Variants in CCSER1 observed in about 807,000 individuals in gnomAD.
CCSER1 encodes serine-rich coiled-coil domain-containing protein 1.
In CCSER1, 41 loss-of-function variants were observed where a neutral mutation model predicts 82.0. That is an observed-to-expected ratio of 0.50 (90% CI 0.39 to 0.65). The LOEUF is 0.65. Among genes scored for constraint, CCSER1 ranks in the 30% least tolerant of loss-of-function variants. The pLI is 0.00. For synonymous variants in CCSER1, 414 were observed against 383.9 expected, an observed-to-expected ratio of 1.08 and a Z score of -0.92; for missense variants, 1,119 against 1,064.2, an observed-to-expected ratio of 1.05 and a Z score of -0.72.
At chr4:91,203,721 T>A (rs1050612184) in intron 10 of CCSER1, among the ~76,000 whole-genome samples, 2 of 151,824 alleles carry the variant, frequency 1.3e-5, no homozygotes, top group Non-Finnish European at 2.9e-5. Context: ...TAAAGTGATA[T>A]CTGAGAAGAA....
chr4:90,954,860 A>C (rs1453043583), intron 9 of CCSER1, among the ~76,000 whole-genome samples: 1 of 152,086 alleles, frequency 6.6e-6, no homozygotes. Flanking sequence ...TTCTCTCTTC[A>C]TACATACCCA....
chr4:90,492,151 CT>C (rs1221358158), intron 5 of CCSER1, among the ~76,000 whole-genome samples: 4 of 151,952 alleles, frequency 2.6e-5, no homozygotes, highest in African/African-American at 7.3e-5. Context: ...TGGTCCTGGA[CT>C]TTTTTTGGTT....
chr4:90,730,112 A>G (rs1269156149), intron 7 of CCSER1, among the ~76,000 whole-genome samples: 1 of 152,192 alleles, frequency 6.6e-6, no homozygotes, highest in Non-Finnish European at 1.5e-5. Flanking sequence ...TTTATATATT[A>G]TAACATCAAC....
intron 3 of CCSER1, among the ~76,000 whole-genome samples, chr4:90,365,726 GTGAGT>G (rs1489318156): frequency 2.0e-5 from 3 of 151,888 alleles, no homozygotes; most frequent in Non-Finnish European, 3.0e-5. Flanking sequence ...TAAAGTCTGA[GTGAGT>G]TAAGAGAAGG....
chr4:90,888,850 C>A (rs1368951048), intron 8 of CCSER1, among the ~76,000 whole-genome samples: 2 of 152,090 alleles, frequency 1.3e-5, no homozygotes, highest in Admixed American at 1.3e-4. Context: ...CTATATTGAG[C>A]AATTGTTTAG....
At chr4:91,564,551 A>G (rs760395236) in intron 10 of CCSER1, among the ~76,000 whole-genome samples, 1 of 151,850 alleles carries the variant, frequency 6.6e-6, no homozygotes, top group Non-Finnish European at 1.5e-5. Context: ...CCTTGTTGGA[A>G]TCTGTTCTTT....
In CCSER1 at chr4:91,341,582, C is replaced by T. The variant is rs191361538; in HGVS notation, c.2217+255588C>T. 2.5e-3 allele frequency among the ~76,000 whole-genome samples: 378 copies of T among 152,236 alleles called. 1 individual carries two copies. Among genetic ancestry groups the T allele is most frequent in the Admixed American group, 3.5e-3 (54 of 15,286 alleles). Reference sequence around the variant, plus strand: ...GTTTTTTGTTTTTGAGACAGGGTCTCACTCTGTCATCCAGGCTGGAGTGCA... The same window carrying T: ...GTTTTTTGTTTTTGAGACAGGGTCTTACTCTGTCATCCAGGCTGGAGTGCA... On this transcript the variant is annotated intron_variant, in intron 10 of 10. Coordinates refer to ENST00000509176, the MANE Select transcript of CCSER1 (RefSeq NM_001145065.2).
chr4:91,165,715 A>G (rs1423543178), intron 10 of CCSER1, among the ~76,000 whole-genome samples: 1 of 152,250 alleles, frequency 6.6e-6, no homozygotes, highest in African/African-American at 2.4e-5. Context: ...GCAAGGCTCC[A>G]TGGGCATGGC....
chr4:91,353,201 G>A (rs1274830771), intron 10 of CCSER1, among the ~76,000 whole-genome samples: 1 of 152,180 alleles, frequency 6.6e-6, no homozygotes, highest in Non-Finnish European at 1.5e-5. Flanking sequence ...GCGTCGGCAA[G>A]CTACTGCCTT....
intron 10 of CCSER1, among the ~76,000 whole-genome samples, chr4:91,285,397 T>C (rs908645317): frequency 6.6e-6 from 1 of 151,806 alleles, no homozygotes; most frequent in African/African-American, 2.4e-5. Context: ...TTATTATATG[T>C]GCTATGAAGC....
chr4:91,473,524 G>T (rs2149446243), intron 10 of CCSER1, among the ~76,000 whole-genome samples: 1 of 152,138 alleles, frequency 6.6e-6, no homozygotes, highest in East Asian at 1.9e-4. Flanking sequence ...GGAAGAACAG[G>T]GTTTTTGGAT....
At chr4:91,289,759 G>A (rs1297433250) in intron 10 of CCSER1, among the ~76,000 whole-genome samples, 1 of 151,948 alleles carries the variant, frequency 6.6e-6, no homozygotes. Flanking sequence ...ATTTGTAATT[G>A]AAATCCCAAT....
intron 10 of CCSER1, among the ~76,000 whole-genome samples, chr4:91,448,367 A>G (rs1013528825): frequency 3.3e-5 from 5 of 152,128 alleles, no homozygotes; most frequent in African/African-American, 9.7e-5. Flanking sequence ...AATTTCATTC[A>G]ATAAAATATC....
At chr4:91,473,748 C>G (rs1757411670) in intron 10 of CCSER1, among the ~76,000 whole-genome samples, 1 of 152,058 alleles carries the variant, frequency 6.6e-6, no homozygotes, top group African/African-American at 2.4e-5. Flanking sequence ...ATTATTTTTA[C>G]TATTAGCATG....
intron 9 of CCSER1, among the ~76,000 whole-genome samples, chr4:91,000,495 T>A (rs1335395907): frequency 6.6e-6 from 1 of 152,096 alleles, no homozygotes; most frequent in Admixed American, 6.5e-5. Flanking sequence ...ATAGCATTGA[T>A]CTGTTGATTG....
At chr4:91,077,905 C>G (rs1228480160) in intron 9 of CCSER1, among the ~76,000 whole-genome samples, 1 of 152,252 alleles carries the variant, frequency 6.6e-6, no homozygotes, top group African/African-American at 2.4e-5. Flanking sequence ...GGAGGGGCAT[C>G]TGCCATTGCT....
chr4:91,170,017 A>T (rs932259107), intron 10 of CCSER1, among the ~76,000 whole-genome samples: 4 of 152,196 alleles, frequency 2.6e-5, no homozygotes, highest in African/African-American at 4.8e-5. Flanking sequence ...CATTTCACTG[A>T]CTGACCTGTG....
chr4:90,382,993 G>C (rs528507942), intron 3 of CCSER1, among the ~76,000 whole-genome samples: 59 of 152,200 alleles, frequency 3.9e-4, no homozygotes, highest in African/African-American at 1.3e-3. Context: ...TATATTCAAG[G>C]CTGTTCCAGG....
intron 10 of CCSER1, among the ~76,000 whole-genome samples, chr4:91,111,427 A>G (rs1159147842): frequency 1.3e-5 from 2 of 152,100 alleles, no homozygotes; most frequent in Middle Eastern, 3.4e-3. Flanking sequence ...TTAAGGAAGG[A>G]CACTCTTTAA....
Sources: gnomAD v4.1 joint callset for allele counts (sites outside exome capture counted in the v4.1 genomes callset) on GRCh38, gnomAD v4.1.1 for gene constraint, MANE v1.5 for transcripts, NCBI Gene and HGNC (gene_info 2026-07-23, HGNC 2026-07-21) for gene names.